Variants in ARPC1B observed in about 807,000 individuals in gnomAD.
The protein encoded by ARPC1B is actin related protein 2/3 complex subunit 1B.
ARPC1B carries 29 observed loss-of-function variants against 46.0 expected under a neutral mutation model. That is an observed-to-expected ratio of 0.63 (90% confidence interval 0.47 to 0.86). ARPC1B has a LOEUF of 0.86. ARPC1B is among the 40% of genes least tolerant of loss of function. The pLI is 0.00. For missense variants in ARPC1B, 469 were observed against 529.4 expected, an observed-to-expected ratio of 0.89 and a Z score of 1.12; for synonymous variants, 201 against 213.9, an observed-to-expected ratio of 0.94 and a Z score of 0.53.
At chr7:99,390,720 GAC>G (rs1430408232) in intron 5 of ARPC1B, among the ~76,000 whole-genome samples, 171 bp from the exon 6 acceptor site, 1 of 147,922 alleles carries the variant, frequency 6.8e-6, no homozygotes, top group Non-Finnish European at 1.5e-5. Flanking sequence ...TTTTTTTTGA[GAC>G]AGTCTCACTC....
Position 99,388,515 on chromosome 7 carries a change from C to T in ARPC1B, c.392+254C>T, listed in dbSNP as rs1365959236. 9 of 501,200 alleles carry T rather than the reference C, an allele frequency of 1.8e-5. No homozygotes were observed. The Admixed American group carries it at 3.0e-4, about 16-fold the overall frequency. 31.0% of individuals were successfully genotyped at this position (501,200 alleles called of 1,614,324 possible). On this transcript the variant is annotated intron_variant, in intron 4 of 9. Transcript: ENST00000646101. ...ACTAAGCCCTGCACACACATTAGTC[C>T]TGACTTCCCTGCAGCTCCGTGGACT...
chr7:99,394,291 C>T, intron 9 of ARPC1B, 160 bp from the exon 10 acceptor site: 1 of 1,034,980 alleles, frequency 9.7e-7, no homozygotes, highest in Admixed American at 1.9e-5. Flanking sequence ...CACTGGGGCA[C>T]CCGTCTTCAG....
intron 8 of ARPC1B, 95 bp downstream of exon 8, chr7:99,392,971 G>A: frequency 2.3e-6 from 3 of 1,289,516 alleles, no homozygotes; most frequent in East Asian, 2.6e-5. Flanking sequence ...TCCTCCTGGG[G>A]CATTGTGCTG....
At position 99,394,041 on chromosome 7, in the gene ARPC1B, G is replaced by A. The variant is rs774902507; in HGVS notation, c.1002G>A (p.Val334=). 1 of 1,613,104 alleles carries A rather than the reference G, an allele frequency of 6.2e-7. No homozygotes were observed. Among genetic ancestry groups the A allele is most frequent in the Admixed American group, 1.7e-5 (1 of 60,036 alleles). ...LHKNSVSQIS[V]LSGGKAKCSQ... ...TTCCTCTTTGCAGCCAGATCTCGGT[G>A]CTCAGCGGCGGCAAGGCCAAGTGCT... The change falls in exon 9 of 10, where the codon GTG becomes GTA. Residue 334 remains valine, a synonymous_variant. Coordinates refer to ENST00000646101, the MANE Select transcript of ARPC1B (RefSeq NM_005720.4).
At chr7:99,393,487 G>A (rs577265140) in intron 8 of ARPC1B, among the ~76,000 whole-genome samples, 68 of 152,162 alleles carry the variant, frequency 4.5e-4, no homozygotes, top group African/African-American at 1.6e-3. Flanking sequence ...AGCACTTAGC[G>A]AGGTGGGGGC....
At chr7:99,393,399 C>T (rs1359065304) in intron 8 of ARPC1B, among the ~76,000 whole-genome samples, 1 of 152,102 alleles carries the variant, frequency 6.6e-6, no homozygotes, top group African/African-American at 2.4e-5. Context: ...AGGGCTGGCC[C>T]CTACGGTTCT....
Position 99,388,056 on chromosome 7 carries a change from G to A in ARPC1B, c.187G>A (p.Glu63Lys), listed in dbSNP as rs765777936. 19 of 1,604,508 alleles carry A rather than the reference G, an allele frequency of 1.2e-5. No homozygotes were observed. In the East Asian group the frequency reaches 3.1e-4, roughly 27 times the overall value. ...GQVTGIDWAP[E>K]SNRIVTCGTD... ...CCCCACAGGCATCGACTGGGCCCCC[G>A]AGAGTAACCGTATTGTGACCTGCGG... Residue 63 changes from glutamate to lysine, a missense_variant, in exon 4 of 10, where the codon GAG (glutamate) becomes AAG (lysine). Transcript: ENST00000646101.
chr7:99,388,018 G>A (rs1240609463), intron 3 of ARPC1B, 21 bp from the exon 4 acceptor site: 1 of 1,542,230 alleles, frequency 6.5e-7, no homozygotes, highest in Non-Finnish European at 8.9e-7. Flanking sequence ...AGCCTCCTGT[G>A]TTCCCTCCAT....
intron 7 of ARPC1B, 53 bp downstream of exon 7, chr7:99,391,306 G>C (rs1398599488): frequency 8.3e-6 from 13 of 1,561,808 alleles, no homozygotes; most frequent in Non-Finnish European, 9.7e-6. Context: ...GCCTCCGAGA[G>C]AGCCCAGCAA....
intron 1 of ARPC1B, among the ~76,000 whole-genome samples, chr7:99,378,979 G>C (rs187737356): frequency 6.6e-6 from 1 of 151,740 alleles, no homozygotes; most frequent in East Asian, 2.0e-4. Context: ...GGGTTTCACC[G>C]TTTTAGCCAG....
intron 1 of ARPC1B, among the ~76,000 whole-genome samples, chr7:99,375,310 C>A (rs1018643296): frequency 6.6e-6 from 1 of 152,162 alleles, no homozygotes; most frequent in East Asian, 1.9e-4. Context: ...AATGAGCTGG[C>A]GTCTCCTGCC....
Position 99,375,310 on chromosome 7 carries a change from C to G in ARPC1B, c.-14+529C>G, listed in dbSNP as rs1018643296. Among the ~76,000 whole-genome samples the G allele has an allele frequency of 3.9e-5, 6 of 152,162 alleles. No homozygotes were observed. In the East Asian group the frequency reaches 1.2e-3, roughly 29 times the overall value. ...TTGCAGCCGCCGGGAAATGAGCTGGCGTCTCCTGCCGCCCCGCCCCTGCCC... is the reference window on the plus strand; with the variant it reads ...TTGCAGCCGCCGGGAAATGAGCTGGGGTCTCCTGCCGCCCCGCCCCTGCCC... On this transcript the variant is annotated intron_variant, in intron 1 of 9. Transcript: ENST00000646101.
Position 99,394,099 on chromosome 7 carries a change from A to C in ARPC1B, c.1060A>C (p.Met354Leu). The change falls in exon 9 of 10, where the codon ATG becomes CTG. Residue 354 changes from methionine to leucine, a missense_variant. Transcript: ENST00000646101. ...CTGCACCACTGGCATGGATGGCGGC[A>C]TGAGTATCTGGGATGTGAAGGTGAG... is the stretch of plus-strand genomic sequence containing the variant. ...QFCTTGMDGGMSIWDVKSLES... is the reference protein window; with the variant it reads ...QFCTTGMDGGLSIWDVKSLES... The C allele has an allele frequency of 5.0e-6, 8 of 1,613,642 alleles. No homozygotes were observed. Among genetic ancestry groups the C allele is most frequent in the Non-Finnish European group, 6.8e-6 (8 of 1,180,014 alleles).
At chr7:99,379,478 C>T (rs1302556488) in intron 1 of ARPC1B, among the ~76,000 whole-genome samples, 2 of 152,114 alleles carry the variant, frequency 1.3e-5, no homozygotes, top group African/African-American at 2.4e-5. Context: ...TCCCAGAGCG[C>T]CTGTAATGCT....
chr7:99,375,334 C>T (rs563783223), intron 1 of ARPC1B, among the ~76,000 whole-genome samples: 1 of 152,210 alleles, frequency 6.6e-6, no homozygotes, highest in Non-Finnish European at 1.5e-5. Flanking sequence ...CCGCCCCTGC[C>T]CTCCTGGCCG....
At chr7:99,387,880 A>G (rs1020413411) in intron 3 of ARPC1B, among the ~76,000 whole-genome samples, 159 bp from the exon 4 acceptor site, 1 of 151,290 alleles carries the variant, frequency 6.6e-6, no homozygotes, top group Non-Finnish European at 1.5e-5. Context: ...AGCCTGGGTG[A>G]CAGAGCGAGA....
intron 1 of ARPC1B, among the ~76,000 whole-genome samples, chr7:99,377,054 C>T (rs1213782140): frequency 1.3e-5 from 2 of 152,096 alleles, no homozygotes; most frequent in Non-Finnish European, 2.9e-5. Flanking sequence ...TTGTGTTGCC[C>T]AGGCTATAGT....
rs917895596 is a variant in ARPC1B, at chr7:99,378,205, G to A, written c.-14+3424G>A. ...CCCTCAGATAGCCAGGACTACAGGC[G>A]TACAGCATCACATCCCGCTAATTTT... On this transcript the variant is annotated intron_variant, in intron 1 of 9. Coordinates refer to ENST00000646101, the MANE Select transcript of ARPC1B (RefSeq NM_005720.4). Among the ~76,000 whole-genome samples the A allele has an allele frequency of 8.6e-5, 13 of 151,290 alleles. 1 individual carries two copies. The highest frequency in any genetic ancestry group is 2.9e-4 in the African/African-American group (12 of 41,264).
intron 4 of ARPC1B, chr7:99,389,379 C>G (rs568270735): frequency 6.5e-6 from 1 of 154,508 alleles, no homozygotes; most frequent in African/African-American, 2.4e-5. Flanking sequence ...ACTACAGGCC[C>G]AAATCATTTA....
Sources: allele counts gnomAD v4.1 joint callset (sites outside exome capture counted in the v4.1 genomes callset), GRCh38; gene constraint gnomAD v4.1.1; transcripts MANE v1.5; gene names NCBI Gene and HGNC (gene_info 2026-07-23, HGNC 2026-07-21).